Variants in PHC2 observed in about 807,000 individuals in gnomAD.
The protein encoded by PHC2 is polyhomeotic-like protein 2.
In PHC2, 29 loss-of-function variants were observed where a neutral mutation model predicts 87.4. That is an observed-to-expected ratio of 0.33 (90% CI 0.25 to 0.45). PHC2 has a LOEUF of 0.45. PHC2 is among the 20% of genes least tolerant of loss of function. PHC2 has a pLI of 1.00. For missense variants in PHC2, 857 were observed against 1,136.7 expected, an observed-to-expected ratio of 0.75 and a Z score of 3.54; for synonymous variants, 438 against 461.7, an observed-to-expected ratio of 0.95 and a Z score of 0.66.
chr1:33,398,817 A>C (rs1206740249), intron 1 of PHC2, among the ~76,000 whole-genome samples: 1 of 152,172 alleles, frequency 6.6e-6, no homozygotes, highest in South Asian at 2.1e-4. Context: ...ACTGGTTTCT[A>C]GGATGGCTTC....
Position 33,349,114 on chromosome 1 carries a change from C to T in PHC2, c.1558+5287G>A. ...TAAAAATGGAAGAAAAGACACAGAA[C>T]AGCTTGTCCCTTTCCATCCAATTAA... is the stretch of plus-strand genomic sequence containing the variant. On this transcript the variant is annotated intron_variant, in intron 9 of 14. Transcript: ENST00000683057. This position sits in a 1 kb window ranked among gnomAD's most constrained non-coding sequence, Gnocchi z 4.2. 1.0e-6 allele frequency: 1 copy of T among 985,276 alleles called. No individual in the cohort carries two copies. Among genetic ancestry groups the T allele is most frequent in the Non-Finnish European group, 1.2e-6 (1 of 829,746 alleles). The allele number at this position is 985,276 out of a possible 1,614,324, so 61.0% of individuals were successfully genotyped here. A position where few individuals can be genotyped will look rare whatever the true frequency, so the allele number is the denominator to read the frequency against.
chr1:33,338,451 C>T (rs1646682532), intron 9 of PHC2, among the ~76,000 whole-genome samples: 1 of 152,198 alleles, frequency 6.6e-6, no homozygotes, highest in South Asian at 2.1e-4. Context: ...TTCACAGCTA[C>T]TTCGCTTTGC....
chr1:33,404,009 G>A (rs1346008204), intron 1 of PHC2, among the ~76,000 whole-genome samples: 4 of 152,028 alleles, frequency 2.6e-5, no homozygotes, highest in Non-Finnish European at 5.9e-5. Context: ...CTATGCCTAT[G>A]GCTTCAATTA....
chr1:33,406,338 T>C (rs978797317), intron 1 of PHC2, among the ~76,000 whole-genome samples: 12 of 152,210 alleles, frequency 7.9e-5, no homozygotes, highest in Admixed American at 2.6e-4. Flanking sequence ...TTCTTTACTA[T>C]CTTTTCATTT....
intron 1 of PHC2, among the ~76,000 whole-genome samples, chr1:33,393,556 C>T (rs1649168800): frequency 6.7e-6 from 1 of 148,868 alleles, no homozygotes; most frequent in Non-Finnish European, 1.5e-5. Context: ...TGCTCAGGGA[C>T]CAGTGCAGTC....
At chr1:33,328,767 T>C in intron 14 of PHC2, 103 bp downstream of exon 14, 1 of 1,162,534 alleles carries the variant, frequency 8.6e-7, no homozygotes, top group Non-Finnish European at 1.2e-6. Context: ...TTCCTGAACC[T>C]GAGTCATTAA....
At chr1:33,393,607 T>C (rs1041149412) in intron 1 of PHC2, among the ~76,000 whole-genome samples, 9 of 144,534 alleles carry the variant, frequency 6.2e-5, no homozygotes, top group African/African-American at 1.3e-4. Flanking sequence ...CAGGAGATAG[T>C]CTCCAAGCCT....
intron 9 of PHC2, among the ~76,000 whole-genome samples, chr1:33,338,431 T>C (rs1318080322): frequency 2.6e-5 from 4 of 152,174 alleles, no homozygotes; most frequent in Admixed American, 2.6e-4. Flanking sequence ...GTTTTATGAA[T>C]ATACAAAGGT....
intron 10 of PHC2, chr1:33,333,749 A>C (rs1192624781): frequency 3.9e-6 from 1 of 255,606 alleles, no homozygotes; most frequent in East Asian, 1.3e-4. Flanking sequence ...AACTCAATGA[A>C]ATCTAATTTC....
Position 33,332,938 on chromosome 1 carries a change from C to G in PHC2, c.1762-534G>C, listed in dbSNP as rs1407590704. On this transcript the variant is annotated intron_variant, in intron 10 of 14. Coordinates refer to ENST00000683057, the MANE Select transcript of PHC2 (RefSeq NM_001385109.1). The surrounding 1 kb of genome is among the most constrained non-coding windows in gnomAD (Gnocchi z 4.2). ...ACAGAGCCAATGAACTCTCAGTTGT[C>G]AGAACCCCAGAGCAGCTTATTTACG... is the stretch of plus-strand genomic sequence containing the variant. 6.6e-6 allele frequency among the ~76,000 whole-genome samples: 1 copy of G among 152,168 alleles called. No individual in the cohort carries two copies.
At chr1:33,405,707 T>A (rs147315826) in intron 1 of PHC2, among the ~76,000 whole-genome samples, 2 of 152,240 alleles carry the variant, frequency 1.3e-5, no homozygotes, top group Non-Finnish European at 2.9e-5. Context: ...AAAGTTTATA[T>A]ATAGTATTTT....
chr1:33,376,973 G>A, intron 1 of PHC2, among the ~76,000 whole-genome samples: 1 of 152,202 alleles, frequency 6.6e-6, no homozygotes, highest in South Asian at 2.1e-4. Context: ...AGCCAGAAGA[G>A]CTCAAGTGTG....
At chr1:33,346,009 G>A (rs1337733979) in intron 9 of PHC2, 156 of 985,028 alleles carry the variant, frequency 1.6e-4, no homozygotes, top group Non-Finnish European at 1.8e-4. Context: ...GGTTTTAACT[G>A]GTGACTCATA....
chr1:33,399,031 T>C (rs1167140297), intron 1 of PHC2, among the ~76,000 whole-genome samples: 2 of 152,162 alleles, frequency 1.3e-5, no homozygotes, highest in Non-Finnish European at 1.5e-5. Flanking sequence ...TGAAACTATA[T>C]ACAAGGCAAA....
chr1:33,344,853 C>T (rs1646816913), intron 9 of PHC2, among the ~76,000 whole-genome samples: 1 of 152,068 alleles, frequency 6.6e-6, no homozygotes, highest in South Asian at 2.1e-4. Flanking sequence ...AAGTGATCCT[C>T]CTGCCTCGGC....
At chr1:33,371,499 C>T (rs535239284) in intron 3 of PHC2, among the ~76,000 whole-genome samples, 2 of 152,288 alleles carry the variant, frequency 1.3e-5, no homozygotes, top group African/African-American at 4.8e-5. Context: ...CGCCATCACA[C>T]CCGGCCACCG....
chr1:33,339,625 T>G (rs879594546), intron 9 of PHC2, among the ~76,000 whole-genome samples: 3 of 152,134 alleles, frequency 2.0e-5, no homozygotes, highest in Non-Finnish European at 4.4e-5. Flanking sequence ...TGGGTTGATG[T>G]CCAGAGCTGA....
At position 33,397,910 on chromosome 1, in the gene PHC2, A is replaced by G. The variant is rs144834377; in HGVS notation, c.-54-22317T>C. On this transcript the variant is annotated intron_variant, in intron 1 of 14. Coordinates refer to ENST00000683057, the MANE Select transcript of PHC2 (RefSeq NM_001385109.1). The stretch of plus-strand genomic sequence containing the variant: ...TCGCAGACAGTGATGCCTCCCGGGG[A>G]GTAGGGGGAGGCATGCTTTTCACCG... Among the ~76,000 whole-genome samples, 638 of 152,142 alleles carry G rather than the reference A, an allele frequency of 4.2e-3. 9 individuals are homozygous for G. Among genetic ancestry groups the G allele is most frequent in the African/African-American group, 0.015 (610 of 41,510 alleles).
chr1:33,329,140 C>T lies in PHC2; in HGVS notation c.2155G>A (p.Gly719Ser), dbSNP rs748499666. Reference protein sequence around the residue: ...LTKDTKKQPTGTVPLSVTAAL... With the variant: ...LTKDTKKQPTSTVPLSVTAAL... Reference sequence around the variant, plus strand: ...GCAGTAACCGAAAGGGGCACAGTGCCTGTTGGCTGGGAGCAGAGAGTTTTC... The same window carrying T: ...GCAGTAACCGAAAGGGGCACAGTGCTTGTTGGCTGGGAGCAGAGAGTTTTC... Residue 719 changes from glycine to serine, a missense_variant, in exon 14 of 15, where the codon GGC becomes AGC. Coordinates refer to ENST00000683057, the MANE Select transcript of PHC2 (RefSeq NM_001385109.1). 1 of 1,611,284 alleles carries T rather than the reference C, an allele frequency of 6.2e-7. No homozygotes were observed.
Sources: gnomAD v4.1 joint callset for allele counts (sites outside exome capture counted in the v4.1 genomes callset) on GRCh38, gnomAD v4.1.1 for gene constraint, Gnocchi (gnomAD v3.1) non-coding constraint, MANE v1.5 for transcripts, NCBI Gene and HGNC (gene_info 2026-07-23, HGNC 2026-07-21) for gene names.